The following KCNMB4 variants were observed in gnomAD, a reference collection of about 807,000 sequenced individuals.
KCNMB4 encodes the protein calcium-activated potassium channel subunit beta-4.
In KCNMB4, 3 loss-of-function variants were observed where a neutral mutation model predicts 20.7. That is an observed-to-expected ratio of 0.14 (90% CI 0.07 to 0.37). The LOEUF (loss-of-function observed/expected upper bound fraction) is 0.37, where lower values mean the gene tolerates loss of function less well. Ranked by LOEUF, KCNMB4 falls within the 10% of genes least tolerant of loss-of-function variation. KCNMB4 has a pLI of 1.00. For synonymous variants in KCNMB4, 110 were observed against 113.4 expected, an observed-to-expected ratio of 0.97 and a Z score of 0.19; for missense variants, 168 against 265.9, an observed-to-expected ratio of 0.63 and a Z score of 2.56.
rs949373201 is a variant in KCNMB4 at position 70,366,540 on chromosome 12, T to TGCC, written c.-181_-179dup. 1.7e-4 allele frequency: 28 copies of TGCC among 161,400 alleles called. No homozygotes were observed. The highest frequency in any genetic ancestry group is 3.7e-4 in the African/African-American group (15 of 40,646). 10.0% of individuals were successfully genotyped at this position (161,400 alleles called of 1,614,324 possible). A position where few individuals can be genotyped will look rare whatever the true frequency, so the allele number is the denominator to read the frequency against. On this transcript the variant is annotated 5_prime_UTR_variant, in exon 1 of 3. Coordinates refer to ENST00000258111, the MANE Select transcript of KCNMB4 (RefSeq NM_014505.6). ...CGGCGGCTGGGGGGCTGGGGGGCGC[T>TGCC]GCCGCCGCCGCCGCCGGGGGCGTCG... is the stretch of plus-strand genomic sequence containing the variant.
chr12:70,383,797 G>A (rs947320866), intron 1 of KCNMB4, among the ~76,000 whole-genome samples: 8 of 152,142 alleles, frequency 5.3e-5, no homozygotes, highest in Non-Finnish European at 1.0e-4. Context: ...AGCCAGGTGC[G>A]GTGGCTTACG....
intron 2 of KCNMB4, among the ~76,000 whole-genome samples, chr12:70,412,940 A>G (rs1474720324): frequency 6.6e-6 from 1 of 152,244 alleles, no homozygotes. Context: ...TTCTTTAGAC[A>G]TTAAACCCAA....
At chr12:70,417,252 A>C (rs2136138797) in intron 2 of KCNMB4, among the ~76,000 whole-genome samples, 1 of 152,346 alleles carries the variant, frequency 6.6e-6, no homozygotes, top group South Asian at 2.1e-4. Flanking sequence ...GGTTTGGAGA[A>C]AGACAGAATG....
rs61316124 is a variant in KCNMB4, at chr12:70,370,588, A to G, written c.336+3518A>G. ...CTCCCAAAGGGCTGGGATTACAGGC[A>G]TGAGCCACCGCGCCCGGCCAGTGCT... On this transcript the variant is annotated intron_variant, in intron 1 of 2. Coordinates refer to ENST00000258111, the MANE Select transcript of KCNMB4 (RefSeq NM_014505.6). Among the ~76,000 whole-genome samples the G allele has an allele frequency of 4.1e-3, 627 of 151,864 alleles. 3 individuals are homozygous for G. Among genetic ancestry groups the G allele is most frequent in the African/African-American group, 0.014 (571 of 41,432 alleles).
chr12:70,429,685 GA>G (rs1869308098), intron 2 of KCNMB4, among the ~76,000 whole-genome samples: 2 of 126,672 alleles, frequency 1.6e-5, no homozygotes, highest in Non-Finnish European at 1.7e-5. Context: ...AAAAAAAAAA[GA>G]AAAAAGTTAG....
At chr12:70,380,927 T>C (rs1053686933) in intron 1 of KCNMB4, among the ~76,000 whole-genome samples, 6 of 152,350 alleles carry the variant, frequency 3.9e-5, no homozygotes, top group Non-Finnish European at 7.3e-5. Flanking sequence ...TAAAAACATT[T>C]GTGCTTCAAA....
chr12:70,402,399 G>A lies in KCNMB4; in HGVS notation c.464+2063G>A, dbSNP rs1037075846. ...GGTTCACGCCTGTAATCCCAACACC[G>A]TGGAAGACTGAGGCGGGAGGATCAC... On this transcript the variant is annotated intron_variant, in intron 2 of 2. Coordinates refer to ENST00000258111, the MANE Select transcript of KCNMB4 (RefSeq NM_014505.6). Among the ~76,000 whole-genome samples the A allele has an allele frequency of 2.6e-5, 4 of 151,928 alleles. No homozygotes were observed. The East Asian group carries it at 5.8e-4, about 22-fold the overall frequency.
chr12:70,373,496 C>T (rs954464858), intron 1 of KCNMB4, among the ~76,000 whole-genome samples: 2 of 152,108 alleles, frequency 1.3e-5, no homozygotes, highest in East Asian at 1.9e-4. Flanking sequence ...ATGAATTTTC[C>T]GCTAGGCATT....
chr12:70,391,545 G>T (rs566283307), intron 1 of KCNMB4, among the ~76,000 whole-genome samples: 215 of 152,290 alleles, frequency 1.4e-3, no homozygotes, highest in Non-Finnish European at 2.8e-3. Context: ...GGTTCAAGCA[G>T]TCCCCCTGCC....
intron 2 of KCNMB4, among the ~76,000 whole-genome samples, chr12:70,406,327 T>A (rs1868601065): frequency 6.6e-6 from 1 of 152,068 alleles, no homozygotes; most frequent in Non-Finnish European, 1.5e-5. Context: ...AAAATAAAAT[T>A]AAAGTTTCCT....
intron 1 of KCNMB4, among the ~76,000 whole-genome samples, chr12:70,382,858 T>C (rs929105674): frequency 1.3e-5 from 2 of 152,244 alleles, no homozygotes; most frequent in African/African-American, 2.4e-5. Context: ...AATACAGTCG[T>C]TCATTGTTTA....
intron 2 of KCNMB4, among the ~76,000 whole-genome samples, chr12:70,416,802 G>C (rs1868924920): frequency 6.6e-6 from 1 of 152,026 alleles, no homozygotes; most frequent in South Asian, 2.1e-4. Flanking sequence ...ATGATTCATT[G>C]CTAGCCTTGA....
At chr12:70,387,329 A>G (rs928596463) in intron 1 of KCNMB4, among the ~76,000 whole-genome samples, 9 of 150,956 alleles carry the variant, frequency 6.0e-5, no homozygotes, top group Admixed American at 1.3e-4. Flanking sequence ...TGAACATTTC[A>G]TCACATATTT....
intron 2 of KCNMB4, among the ~76,000 whole-genome samples, chr12:70,429,849 GATTT>G (rs1239725347): frequency 6.6e-6 from 1 of 152,082 alleles, no homozygotes; most frequent in Admixed American, 6.6e-5. Context: ...GACTTTGCAA[GATTT>G]ATTAAGAAAG....
chr12:70,430,662 G>A lies in KCNMB4; in HGVS notation c.*9G>A, dbSNP rs1444474797. 2 of 1,598,700 alleles carry A rather than the reference G, an allele frequency of 1.3e-6. No individual in the cohort carries two copies. Among genetic ancestry groups the A allele is most frequent in the Non-Finnish European group, 1.7e-6 (2 of 1,175,704 alleles). On this transcript the variant is annotated 3_prime_UTR_variant, in exon 3 of 3. Coordinates refer to ENST00000258111, the MANE Select transcript of KCNMB4 (RefSeq NM_014505.6). ...AGCGCAAGTTCTCTTAAAGGGGAAG[G>A]AGGCTTGTAGAAAGCAAAGTACAGA...
At chr12:70,421,901 G>A (rs956115009) in intron 2 of KCNMB4, among the ~76,000 whole-genome samples, 29 of 141,966 alleles carry the variant, frequency 2.0e-4, no homozygotes, top group African/African-American at 6.1e-4. Context: ...TTTTTTTAAC[G>A]AAGTTATTTT....
intron 2 of KCNMB4, among the ~76,000 whole-genome samples, chr12:70,420,316 G>A (rs953735266): frequency 2.0e-5 from 3 of 152,150 alleles, no homozygotes; most frequent in African/African-American, 7.2e-5. Flanking sequence ...ATGATAAAAG[G>A]AACTTTGCAG....
chr12:70,391,352 G>T (rs919320287), intron 1 of KCNMB4, among the ~76,000 whole-genome samples: 1 of 151,554 alleles, frequency 6.6e-6, no homozygotes. Flanking sequence ...ACCCAGGCTG[G>T]AGTGCAGTGG....
At chr12:70,408,357 G>A (rs1868670257) in intron 2 of KCNMB4, among the ~76,000 whole-genome samples, 1 of 152,186 alleles carries the variant, frequency 6.6e-6, no homozygotes, top group Admixed American at 6.5e-5. Context: ...ACTCCCAGAT[G>A]CTCTTGAAAA....
Sources: allele counts gnomAD v4.1 joint callset (sites outside exome capture counted in the v4.1 genomes callset), GRCh38; gene constraint gnomAD v4.1.1; transcripts MANE v1.5; gene names NCBI Gene and HGNC (gene_info 2026-07-23, HGNC 2026-07-21).